Variants in KLHL20 observed in about 807,000 individuals in gnomAD.
KLHL20 encodes kelch-like protein 20.
A neutral mutation model predicts 69.5 loss-of-function variants in KLHL20; 29 were observed. That is an observed-to-expected ratio of 0.42 (90% CI 0.31 to 0.57). The LOEUF is 0.57. KLHL20 is among the 20% of genes least tolerant of loss of function. The pLI, the probability that KLHL20 is intolerant of heterozygous loss-of-function variation, is 0.18. For missense variants in KLHL20, 419 were observed against 776.0 expected (o/e 0.54, Z 5.47); for synonymous variants, 253 against 265.2 (o/e 0.95, Z 0.45).
chr1:173,739,059 A>G (rs185137046), intron 3 of KLHL20, among the ~76,000 whole-genome samples: 1 of 152,030 alleles, frequency 6.6e-6, no homozygotes, highest in East Asian at 1.9e-4. Flanking sequence ...AATAGTGTCC[A>G]TAGGATTGGT....
chr1:173,733,955 G>T lies in KLHL20; in HGVS notation c.266G>T (p.Cys89Phe), dbSNP rs1368953532. ...GCCCATCGAGTCATTTTGTCAGCCTGTAGTCCCTACTTCCGAGCTATGTTT... is the reference window on the plus strand; with the variant it reads ...GCCCATCGAGTCATTTTGTCAGCCTTTAGTCCCTACTTCCGAGCTATGTTT... ...IYAHRVILSA[C>F]SPYFRAMFTG... Residue 89 changes from cysteine to phenylalanine, a missense_variant, in exon 3 of 12, where the codon TGT (cysteine) becomes TTT (phenylalanine). Physicochemically the swap from Cys to Phe is radical, Grantham distance 205 (BLOSUM62 -2). Transcript: ENST00000209884. 2 of 1,614,222 alleles carry T rather than the reference G, an allele frequency of 1.2e-6. No homozygotes were observed. The highest frequency in any genetic ancestry group is 1.7e-6 in the Non-Finnish European group (2 of 1,180,052).
chr1:173,753,167 A>T, intron 4 of KLHL20, 46 bp from the exon 5 acceptor site: 10 of 988,210 alleles, frequency 1.0e-5, no homozygotes, highest in East Asian at 2.6e-5. Context: ...AGTAAGACCT[A>T]TCTCAAAATT....
rs1156442509 is a variant in KLHL20, at chr1:173,715,962, G to A, written c.-41-41G>A. ...ATAAAGATTGTTACTGTAAAGATCA[G>A]AAATAGCTTTTATTAAGTTCCTGCT... On this transcript the variant is annotated intron_variant, in intron 1 of 11. Coordinates refer to ENST00000209884, the MANE Select transcript of KLHL20 (RefSeq NM_014458.4). 3 of 1,387,398 alleles carry A rather than the reference G, an allele frequency of 2.2e-6. No homozygotes were observed. The East Asian group carries it at 6.8e-5, about 32-fold the overall frequency. The allele number at this position is 1,387,398 out of a possible 1,614,324, so 85.9% of individuals were successfully genotyped here.
intron 2 of KLHL20, among the ~76,000 whole-genome samples, chr1:173,732,133 G>T (rs1290899608): frequency 6.6e-6 from 1 of 151,776 alleles, no homozygotes; most frequent in African/African-American, 2.4e-5. Flanking sequence ...GGAGGCGGAA[G>T]TTGCAGTGAG....
intron 3 of KLHL20, among the ~76,000 whole-genome samples, chr1:173,735,152 G>T (rs966719651): frequency 6.6e-6 from 1 of 152,170 alleles, no homozygotes; most frequent in African/African-American, 2.4e-5. Context: ...ACTATGTTAA[G>T]AATTTGAGAT....
intron 2 of KLHL20, among the ~76,000 whole-genome samples, chr1:173,722,539 A>G (rs1421713518): frequency 6.6e-6 from 1 of 152,062 alleles, no homozygotes; most frequent in African/African-American, 2.4e-5. Context: ...GATCGCTTCA[A>G]CCAGGAGTTT....
intron 8 of KLHL20, among the ~76,000 whole-genome samples, chr1:173,768,936 A>G (rs1382878253): frequency 6.6e-6 from 1 of 152,246 alleles, no homozygotes; most frequent in African/African-American, 2.4e-5. Context: ...TGACAGATCT[A>G]AGAACAAAAG....
At position 173,785,365 on chromosome 1, in the gene KLHL20, A is replaced by G; in HGVS notation, c.*118A>G. On this transcript the variant is annotated 3_prime_UTR_variant, in exon 12 of 12. Coordinates refer to ENST00000209884, the MANE Select transcript of KLHL20 (RefSeq NM_014458.4). ...TTTTATTATTTGCCGGTGCCTCAAC[A>G]AATGGAAATACAATCCAATGAAAGT... 1 of 526,264 alleles carries G rather than the reference A, an allele frequency of 1.9e-6. No homozygotes were observed. The allele number at this position is 526,264 out of a possible 1,614,324, so 32.6% of individuals were successfully genotyped here.
At position 173,785,555 on chromosome 1, in the gene KLHL20, T is replaced by C. The variant is rs1475382096; in HGVS notation, c.*308T>C. 13 of 181,558 alleles carry C rather than the reference T, an allele frequency of 7.2e-5. No individual in the cohort carries two copies. The highest frequency in any genetic ancestry group is 3.2e-4 in the East Asian group (2 of 6,286). 11.2% of individuals were successfully genotyped at this position (181,558 alleles called of 1,614,324 possible). On this transcript the variant is annotated 3_prime_UTR_variant, in exon 12 of 12. Transcript: ENST00000209884. ...TCCAAGCAGCAAAACTTACTTTGTT[T>C]GTAAGGTATTCATTTAGGTTTGAAA...
chr1:173,765,390 C>G (rs7519571), intron 7 of KLHL20, among the ~76,000 whole-genome samples: 1,999 of 152,110 alleles, frequency 0.013, 51 homozygotes, highest in African/African-American at 0.046. Flanking sequence ...GTAGTCCCAG[C>G]TACTTGGGAG....
At chr1:173,751,725 T>C in intron 3 of KLHL20, 39 bp from the exon 4 acceptor site, 2 of 1,599,836 alleles carry the variant, frequency 1.3e-6, no homozygotes, top group South Asian at 2.2e-5. Context: ...ATAAATGTGA[T>C]CACAGGATTT....
At chr1:173,771,118 T>C (rs1360255916) in intron 8 of KLHL20, among the ~76,000 whole-genome samples, 3 of 152,360 alleles carry the variant, frequency 2.0e-5, no homozygotes, top group Admixed American at 2.0e-4. Context: ...AAGGATTTTA[T>C]ACCTTGAGAA....
At chr1:173,754,584 CAAAAA>C (rs576521460) in intron 5 of KLHL20, among the ~76,000 whole-genome samples, 1 of 60,592 alleles carries the variant, frequency 1.7e-5, no homozygotes, top group Non-Finnish European at 4.0e-5. Flanking sequence ...AACTCAGTCT[CAAAAA>C]AAAAAAAAAA....
Position 173,751,980 on chromosome 1 carries a change from G to A in KLHL20, c.756+58G>A, listed in dbSNP as rs573313449. 113 of 1,535,778 alleles carry A rather than the reference G, an allele frequency of 7.4e-5. No individual in the cohort carries two copies. In the South Asian group the frequency reaches 1.2e-3, roughly 16 times the overall value. On this transcript the variant is annotated intron_variant, in intron 4 of 11. Transcript: ENST00000209884. ...TGACCGGGCATGGTGGCTCATGACT[G>A]TAATCCCAGCACTTTGGGAGGCCAA...
At chr1:173,737,071 T>G (rs1672571564) in intron 3 of KLHL20, among the ~76,000 whole-genome samples, 1 of 152,208 alleles carries the variant, frequency 6.6e-6, no homozygotes, top group Non-Finnish European at 1.5e-5. Flanking sequence ...TTGATGGAAT[T>G]ATTTGTTTTT....
At position 173,733,860 on chromosome 1, in the gene KLHL20, G is replaced by T. The variant is rs775040273; in HGVS notation, c.171G>T (p.Val57=). 2 of 1,614,118 alleles carry T rather than the reference G, an allele frequency of 1.2e-6. No homozygotes were observed. Among genetic ancestry groups the T allele is most frequent in the South Asian group, 2.2e-5 (2 of 91,076 alleles). The change falls in exon 3 of 12, where the codon GTG becomes GTT. Residue 57 remains valine, a synonymous_variant. Coordinates refer to ENST00000209884, the MANE Select transcript of KLHL20 (RefSeq NM_014458.4). Reference sequence around the variant, plus strand: ...AGCACCCTCGACAAACCTTGGAAGTGATTAACCTTCTGAGAAAGCACCGGG... The same window carrying T: ...AGCACCCTCGACAAACCTTGGAAGTTATTAACCTTCTGAGAAAGCACCGGG... ...SDKHPRQTLE[V]INLLRKHREL... is the part of the protein sequence containing the mutation.
intron 3 of KLHL20, among the ~76,000 whole-genome samples, chr1:173,735,870 A>G (rs142756693): frequency 3.3e-5 from 5 of 149,504 alleles, no homozygotes; most frequent in Admixed American, 6.7e-5. Flanking sequence ...TCCATTCCTG[A>G]GTTACATCAC....
At chr1:173,747,172 G>C (rs1211779857) in intron 3 of KLHL20, among the ~76,000 whole-genome samples, 1 of 151,738 alleles carries the variant, frequency 6.6e-6, no homozygotes, top group Non-Finnish European at 1.5e-5. Flanking sequence ...TCTAGTTTCT[G>C]TTCTCATAAT....
At chr1:173,717,773 C>T (rs1671533147) in intron 2 of KLHL20, among the ~76,000 whole-genome samples, 1 of 151,828 alleles carries the variant, frequency 6.6e-6, no homozygotes, top group Non-Finnish European at 1.5e-5. Context: ...GCAGACTTTC[C>T]CCCTCCAAAA....
Sources: allele counts gnomAD v4.1 joint callset (sites outside exome capture counted in the v4.1 genomes callset), GRCh38; gene constraint gnomAD v4.1.1; transcripts MANE v1.5; gene names NCBI Gene and HGNC (gene_info 2026-07-23, HGNC 2026-07-21).